ARNT2: variants seen among roughly 807,000 people sequenced by gnomAD.
The protein encoded by ARNT2 is aryl hydrocarbon receptor nuclear translocator 2.
Under a neutral mutation model 91.7 loss-of-function variants are expected in ARNT2, and 36 were observed. The observed-to-expected ratio is 0.39, with a 90% confidence interval of 0.30 to 0.52. ARNT2 has a LOEUF of 0.52. Among genes scored for constraint, ARNT2 ranks in the 20% least tolerant of loss-of-function variants. ARNT2 has a pLI of 0.72. For synonymous variants in ARNT2, 365 were observed against 347.1 expected (o/e 1.05, Z -0.57); for missense variants, 775 against 939.3 (o/e 0.83, Z 2.29).
chr15:80,582,322 T>C lies in ARNT2; in HGVS notation c.1918+918T>C, dbSNP rs4778828. Among the ~76,000 whole-genome samples the C allele has an allele frequency of 4.2e-3, 594 of 142,896 alleles. 10 individuals are homozygous for C. Among genetic ancestry groups the C allele is most frequent in the Admixed American group, 0.027 (387 of 14,214 alleles). The allele number at this position is 142,896 out of a possible 152,430, so 93.7% of individuals were successfully genotyped here. A position where few individuals can be genotyped will look rare whatever the true frequency, so the allele number is the denominator to read the frequency against. On this transcript the variant is annotated intron_variant, in intron 17 of 18. Coordinates refer to ENST00000303329, the MANE Select transcript of ARNT2 (RefSeq NM_014862.4). ...GCCTGGGCAACATTGCAAAACCCTG[T>C]CTCTACAAAAAAAAAAAAAAAAAAT...
intron 1 of ARNT2, among the ~76,000 whole-genome samples, chr15:80,432,765 C>A (rs551352989): frequency 1.3e-5 from 2 of 152,048 alleles, no homozygotes; most frequent in African/African-American, 4.8e-5. Context: ...TATGGTCTCA[C>A]CATCACAGCT....
At chr15:80,457,414 A>T (rs1896496224) in intron 2 of ARNT2, among the ~76,000 whole-genome samples, 2 of 152,212 alleles carry the variant, frequency 1.3e-5, no homozygotes, top group African/African-American at 4.8e-5. Context: ...TTTAAGCAGT[A>T]CAACCGGTAG....
At chr15:80,560,881 C>T in intron 11 of ARNT2, among the ~76,000 whole-genome samples, 1 of 152,246 alleles carries the variant, frequency 6.6e-6, no homozygotes, top group African/African-American at 2.4e-5. Flanking sequence ...CCTCCCAGAG[C>T]TCTTGGTTTG....
chr15:80,497,436 G>C (rs184168732), intron 5 of ARNT2, among the ~76,000 whole-genome samples: 1 of 152,376 alleles, frequency 6.6e-6, no homozygotes, highest in East Asian at 1.9e-4. Flanking sequence ...AAGGGCATGG[G>C]CACCTGACCT....
At chr15:80,562,178 G>A (rs913042494) in intron 11 of ARNT2, among the ~76,000 whole-genome samples, 27 of 151,784 alleles carry the variant, frequency 1.8e-4, no homozygotes, top group Non-Finnish European at 3.8e-4. Context: ...GGATTCAAGC[G>A]ATTCTCATGC....
intron 5 of ARNT2, among the ~76,000 whole-genome samples, chr15:80,477,103 A>G (rs1896817891): frequency 6.6e-6 from 1 of 152,140 alleles, no homozygotes; most frequent in Admixed American, 6.5e-5. Flanking sequence ...TTCCGCCATG[A>G]TTGTAAGTTT....
intron 8 of ARNT2, among the ~76,000 whole-genome samples, chr15:80,530,740 G>T (rs1485305683): frequency 5.9e-5 from 9 of 152,088 alleles, no homozygotes. Flanking sequence ...CAAAGTGGGG[G>T]ATCCATTTCT....
chr15:80,510,443 A>T (rs1231590870), intron 6 of ARNT2, among the ~76,000 whole-genome samples: 3 of 151,514 alleles, frequency 2.0e-5, no homozygotes, highest in East Asian at 1.9e-4. Context: ...AATCATATAT[A>T]AAAAAAAAGC....
At chr15:80,422,411 A>G (rs897926235) in intron 1 of ARNT2, among the ~76,000 whole-genome samples, 6 of 152,210 alleles carry the variant, frequency 3.9e-5, no homozygotes, top group Non-Finnish European at 7.3e-5. Flanking sequence ...AGACGACAAT[A>G]CAATATTTTA....
chr15:80,458,470 G>T (rs758062184), intron 3 of ARNT2, among the ~76,000 whole-genome samples: 3 of 152,108 alleles, frequency 2.0e-5, no homozygotes, highest in Non-Finnish European at 2.9e-5. Context: ...TGTTCTGGAT[G>T]CAGGATAGAA....
chr15:80,567,268 A>G (rs58457995), intron 12 of ARNT2, among the ~76,000 whole-genome samples: 12,564 of 151,904 alleles, frequency 0.083, 1,393 homozygotes, highest in African/African-American at 0.25. Flanking sequence ...AAGGGAGAGG[A>G]GGAGGAAAAC....
At chr15:80,504,541 GA>G (rs1451841693) in intron 5 of ARNT2, among the ~76,000 whole-genome samples, 4 of 152,074 alleles carry the variant, frequency 2.6e-5, no homozygotes, top group African/African-American at 9.7e-5. Context: ...GCCGAGGCAA[GA>G]AGAATGCTTC....
chr15:80,574,283 A>C, intron 13 of ARNT2, 63 bp downstream of exon 13: 1 of 1,500,484 alleles, frequency 6.7e-7, no homozygotes, highest in Non-Finnish European at 9.3e-7. Flanking sequence ...CTTGGGACTC[A>C]ATTCAGCCCT....
intron 8 of ARNT2, among the ~76,000 whole-genome samples, chr15:80,536,055 CA>C (rs1262953306): frequency 1.3e-5 from 2 of 152,206 alleles, no homozygotes; most frequent in Non-Finnish European, 2.9e-5. Context: ...TCTAGAAAAC[CA>C]AACAGCACAA....
chr15:80,560,500 G>A (rs140160396), intron 11 of ARNT2, among the ~76,000 whole-genome samples: 1,534 of 152,212 alleles, frequency 0.01, 27 homozygotes, highest in African/African-American at 0.035. Flanking sequence ...AGCTCCTAAG[G>A]CTGAGCTTCC....
In ARNT2 at chr15:80,591,779, C is replaced by T. The variant is rs1471751321; in HGVS notation, c.2055+75C>T. 1.1e-5 allele frequency: 17 copies of T among 1,587,086 alleles called. No individual in the cohort carries two copies. Among genetic ancestry groups the T allele is most frequent in the South Asian group, 4.6e-5 (4 of 87,640 alleles). The stretch of plus-strand genomic sequence containing the variant: ...GCTTCCTTTCCCCCTCGGTCTCTGC[C>T]GCACCACCGCCTGCCCGATAGCCGT... On this transcript the variant is annotated intron_variant, in intron 18 of 18. Coordinates refer to ENST00000303329, the MANE Select transcript of ARNT2 (RefSeq NM_014862.4). This position sits in a 1 kb window ranked among gnomAD's most constrained non-coding sequence, Gnocchi z 5.1.
At position 80,404,392 on chromosome 15, in the gene ARNT2, C is replaced by G; in HGVS notation, c.-124C>G. 2.1e-6 allele frequency: 1 copy of G among 482,714 alleles called. No individual in the cohort carries two copies. The highest frequency in any genetic ancestry group is 2.7e-6 in the Non-Finnish European group (1 of 364,498). 29.9% of individuals were successfully genotyped at this position (482,714 alleles called of 1,614,324 possible). On this transcript the variant is annotated 5_prime_UTR_variant, in exon 1 of 19. Transcript: ENST00000303329. This position sits in a 1 kb window ranked among gnomAD's most constrained non-coding sequence, Gnocchi z 5.5. ...GAGAGCGGAGGGAGCGCCGCCCGCC[C>G]GCGCCGTCCTTTGTGTGGCGGCGGC...
intron 1 of ARNT2, chr15:80,442,927 C>T (rs1896216857): frequency 3.0e-6 from 3 of 985,408 alleles, no homozygotes; most frequent in Non-Finnish European, 3.6e-6. Flanking sequence ...GACATCATCT[C>T]TTTCCTCTGG....
intron 8 of ARNT2, among the ~76,000 whole-genome samples, chr15:80,536,239 G>C (rs1005891371): frequency 2.0e-5 from 3 of 152,214 alleles, no homozygotes; most frequent in Non-Finnish European, 2.9e-5. Context: ...AGGGGTGCCC[G>C]AGTGGGACCA....
Sources: allele counts gnomAD v4.1 joint callset (sites outside exome capture counted in the v4.1 genomes callset), GRCh38; gene constraint gnomAD v4.1.1; non-coding constraint Gnocchi (gnomAD v3.1); transcripts MANE v1.5; gene names NCBI Gene and HGNC (gene_info 2026-07-23, HGNC 2026-07-21).